Variants in OCIAD1 observed in about 807,000 individuals in gnomAD.
The protein encoded by OCIAD1 is OCIA domain containing 1.
Under a neutral mutation model 38.9 loss-of-function variants are expected in OCIAD1, and 29 were observed. The ratio of observed to expected loss-of-function variants is 0.74; its 90% confidence interval spans 0.55 to 1.02. The LOEUF (loss-of-function observed/expected upper bound fraction) is 1.02, where lower values mean the gene tolerates loss of function less well. Among genes scored for constraint, OCIAD1 ranks in the 50% least tolerant of loss-of-function variants. OCIAD1 has a pLI of 0.00. For synonymous variants in OCIAD1, 110 were observed against 92.0 expected (o/e 1.20, Z -1.12); for missense variants, 288 against 289.6 (o/e 0.99, Z 0.04).
intron 1 of OCIAD1, among the ~76,000 whole-genome samples, chr4:48,814,042 A>C (rs769608518): frequency 1.2e-4 from 19 of 152,164 alleles, no homozygotes; most frequent in Non-Finnish European, 1.6e-4. Flanking sequence ...CCAGCTGCAA[A>C]ATTCAAACCA....
intron 4 of OCIAD1, among the ~76,000 whole-genome samples, chr4:48,846,557 G>A (rs1156829922): frequency 1.3e-5 from 2 of 152,050 alleles, no homozygotes; most frequent in East Asian, 3.9e-4. Flanking sequence ...GACCATCCTG[G>A]CCAATATGGT....
chr4:48,814,567 C>T (rs185029717), intron 1 of OCIAD1, among the ~76,000 whole-genome samples: 1 of 152,140 alleles, frequency 6.6e-6, no homozygotes, highest in African/African-American at 2.4e-5. Context: ...ACTGGAAGCC[C>T]TATTTTCCCC....
chr4:48,825,201 G>A (rs1777237002), intron 1 of OCIAD1, among the ~76,000 whole-genome samples: 1 of 152,168 alleles, frequency 6.6e-6, no homozygotes, highest in African/African-American at 2.4e-5. Context: ...CTTGCTCCTT[G>A]GGGTTACTCC....
intron 1 of OCIAD1, among the ~76,000 whole-genome samples, chr4:48,813,784 T>A (rs1777114840): frequency 6.6e-6 from 1 of 152,224 alleles, no homozygotes; most frequent in South Asian, 2.1e-4. Flanking sequence ...TTGGCTTATG[T>A]CAAAGTTTTA....
At chr4:48,814,088 T>C (rs757851860) in intron 1 of OCIAD1, among the ~76,000 whole-genome samples, 3 of 152,142 alleles carry the variant, frequency 2.0e-5, no homozygotes, top group Non-Finnish European at 4.4e-5. Flanking sequence ...CCCTAATTCA[T>C]CTAACAGCTC....
At chr4:48,824,808 T>C (rs1449966906) in intron 1 of OCIAD1, among the ~76,000 whole-genome samples, 1 of 152,206 alleles carries the variant, frequency 6.6e-6, no homozygotes. Context: ...CAATCATAGC[T>C]TGCTGCAGCC....
chr4:48,823,022 C>T (rs534357484), intron 1 of OCIAD1, among the ~76,000 whole-genome samples: 1 of 152,142 alleles, frequency 6.6e-6, no homozygotes, highest in Non-Finnish European at 1.5e-5. Flanking sequence ...CCATTTGACC[C>T]AGCAATCCCA....
chr4:48,842,726 G>GATTAA (rs1778647543), intron 4 of OCIAD1, 37 bp downstream of exon 4: 1 of 1,135,870 alleles, frequency 8.8e-7, no homozygotes, highest in Admixed American at 2.4e-5. Context: ...TAGCATTTTG[G>GATTAA]ATACCATGTT....
intron 5 of OCIAD1, among the ~76,000 whole-genome samples, chr4:48,849,147 G>A (rs1779212775): frequency 1.3e-5 from 2 of 152,144 alleles, no homozygotes; most frequent in South Asian, 4.1e-4. Context: ...GCCTGTTGTG[G>A]GGTGACGGGA....
At chr4:48,849,900 C>G (rs758491141) in intron 5 of OCIAD1, 47 bp from the exon 6 acceptor site, 1 of 1,527,050 alleles carries the variant, frequency 6.5e-7, no homozygotes, top group African/African-American at 1.4e-5. Flanking sequence ...ATACTTTTGT[C>G]TGAAAGGCAC....
intron 3 of OCIAD1, among the ~76,000 whole-genome samples, chr4:48,834,847 A>C (rs2109521755): frequency 6.6e-6 from 1 of 152,354 alleles, no homozygotes; most frequent in South Asian, 2.1e-4. Flanking sequence ...TCAGCCTGAT[A>C]TGTATGCTTA....
upstream of OCIAD1, among the ~76,000 whole-genome samples, chr4:48,828,729 A>G (rs1015825534): frequency 6.6e-6 from 1 of 152,152 alleles, no homozygotes; most frequent in Non-Finnish European, 1.5e-5. Context: ...CCACGAACCC[A>G]CCAGAAGGAA....
chr4:48,808,214 G>A (rs927014765), intron 1 of OCIAD1, among the ~76,000 whole-genome samples: 1 of 152,060 alleles, frequency 6.6e-6, no homozygotes, highest in Non-Finnish European at 1.5e-5. Flanking sequence ...AAGCCCATAA[G>A]CCCAGCACTT....
intron 1 of OCIAD1, among the ~76,000 whole-genome samples, chr4:48,807,163 T>G (rs2109484248): frequency 6.6e-6 from 1 of 152,156 alleles, no homozygotes; most frequent in South Asian, 2.1e-4. Flanking sequence ...TGCCTCAACC[T>G]CCTGAGTAGC....
intron 3 of OCIAD1, among the ~76,000 whole-genome samples, chr4:48,841,842 C>G (rs911590185): frequency 1.4e-4 from 22 of 151,994 alleles, no homozygotes; most frequent in African/African-American, 4.1e-4. Context: ...TTTTCACTCT[C>G]GGTTTTAGGC....
intron 1 of OCIAD1, among the ~76,000 whole-genome samples, chr4:48,815,518 C>T (rs1777135542): frequency 6.6e-6 from 1 of 152,166 alleles, no homozygotes. Flanking sequence ...GGTAAGCCTG[C>T]TTTTTGGAGG....
chr4:48,817,042 G>T (rs1185121682), intron 1 of OCIAD1, among the ~76,000 whole-genome samples: 2 of 152,206 alleles, frequency 1.3e-5, no homozygotes, highest in Non-Finnish European at 2.9e-5. Context: ...CTCCCAGCAA[G>T]ACCAACGCAG....
upstream of OCIAD1, among the ~76,000 whole-genome samples, chr4:48,827,220 G>A (rs1289101906): frequency 1.3e-5 from 2 of 152,108 alleles, no homozygotes; most frequent in African/African-American, 4.8e-5. Context: ...ATCTTTTATT[G>A]ACACTGAAAT....
chr4:48,807,303 A>G (rs1432615640), intron 1 of OCIAD1, among the ~76,000 whole-genome samples: 4 of 151,680 alleles, frequency 2.6e-5, no homozygotes, highest in Non-Finnish European at 5.9e-5. Flanking sequence ...CTGGGTGAAG[A>G]GCAAGATCCT....
Sources: gnomAD v4.1 joint callset for allele counts (sites outside exome capture counted in the v4.1 genomes callset) on GRCh38, gnomAD v4.1.1 for gene constraint, MANE v1.5 for transcripts, NCBI Gene and HGNC (gene_info 2026-07-23, HGNC 2026-07-21) for gene names.